Variants in ESR2 observed in about 807,000 individuals in gnomAD.
The protein encoded by ESR2 is estrogen receptor 2, also known as estrogen receptor beta.
Under a neutral mutation model 49.6 loss-of-function variants are expected in ESR2, and 36 were observed. The observed-to-expected ratio is 0.73, with a 90% CI of 0.56 to 0.96. The LOEUF is 0.96. ESR2 is among the 40% of genes least tolerant of loss of function. ESR2 has a pLI of 0.00. For missense variants in ESR2, 714 were observed against 693.0 expected (o/e 1.03, Z -0.34); for synonymous variants, 320 against 266.1 (o/e 1.20, Z -1.97).
intron 7 of ESR2, among the ~76,000 whole-genome samples, chr14:64,241,846 A>G (rs2140646253): frequency 6.6e-6 from 1 of 152,336 alleles, no homozygotes; most frequent in African/African-American, 2.4e-5. Flanking sequence ...TTTTAAATAA[A>G]GACTTTCACT....
intron 7 of ESR2, among the ~76,000 whole-genome samples, chr14:64,238,465 C>A (rs1272042255): frequency 6.6e-6 from 1 of 152,140 alleles, no homozygotes; most frequent in African/African-American, 2.4e-5. Context: ...AAGAACTGTG[C>A]TGAAGAATAC....
At chr14:64,245,373 G>A (rs994263595) in intron 7 of ESR2, among the ~76,000 whole-genome samples, 4 of 151,782 alleles carry the variant, frequency 2.6e-5, no homozygotes, top group Non-Finnish European at 4.4e-5. Flanking sequence ...TTAGCCAGGC[G>A]TGGTGGTGGG....
intron 7 of ESR2, among the ~76,000 whole-genome samples, chr14:64,244,375 G>A (rs1012694715): frequency 2.7e-5 from 4 of 149,598 alleles, no homozygotes; most frequent in African/African-American, 7.4e-5. Flanking sequence ...ACTCCAGCCT[G>A]AGTAACAAAG....
At chr14:64,260,150 A>C in intron 5 of ESR2, 1 of 620,690 alleles carries the variant, frequency 1.6e-6, no homozygotes, top group Non-Finnish European at 3.0e-6. Context: ...AGCCATGGGA[A>C]AAGAAGGCAG....
At chr14:64,277,761 G>A (rs1370878670) in intron 3 of ESR2, among the ~76,000 whole-genome samples, 1 of 151,958 alleles carries the variant, frequency 6.6e-6, no homozygotes, top group African/African-American at 2.4e-5. Context: ...AAGACAGGAA[G>A]CATGCAAAGA....
chr14:64,334,346 C>A (rs1003684344), intron 1 of ESR2, among the ~76,000 whole-genome samples: 5 of 152,204 alleles, frequency 3.3e-5, no homozygotes, highest in African/African-American at 4.8e-5. Context: ...AAATACATTT[C>A]TCAGGTGGCT....
chr14:64,245,675 C>T (rs1238059471), intron 7 of ESR2, among the ~76,000 whole-genome samples: 1 of 152,100 alleles, frequency 6.6e-6, no homozygotes, highest in Non-Finnish European at 1.5e-5. Context: ...AATGCTGTAG[C>T]CTTCATCTTT....
intron 7 of ESR2, among the ~76,000 whole-genome samples, chr14:64,236,327 G>C (rs2075597855): frequency 2.0e-5 from 3 of 152,080 alleles, no homozygotes; most frequent in Admixed American, 2.0e-4. Flanking sequence ...TGCTCACTTT[G>C]TTCTCCACAT....
chr14:64,265,307 G>A (rs558440459), intron 4 of ESR2, among the ~76,000 whole-genome samples: 1 of 152,178 alleles, frequency 6.6e-6, no homozygotes, highest in South Asian at 2.1e-4. Flanking sequence ...GGCAGCTAAT[G>A]TCTACTGGAA....
At chr14:64,317,011 TC>T (rs963389986) in intron 1 of ESR2, among the ~76,000 whole-genome samples, 6 of 152,104 alleles carry the variant, frequency 3.9e-5, no homozygotes, top group Non-Finnish European at 7.4e-5. Flanking sequence ...ATGCTGGTAA[TC>T]CCAGCACTTT....
chr14:64,262,411 G>A (rs572157183), intron 4 of ESR2, among the ~76,000 whole-genome samples: 159 of 152,052 alleles, frequency 1.0e-3, no homozygotes, highest in Middle Eastern at 6.8e-3. Context: ...CACCACATCC[G>A]GCCCAAGAAT....
At chr14:64,323,374 AT>A (rs1312435937) in intron 1 of ESR2, among the ~76,000 whole-genome samples, 1 of 151,788 alleles carries the variant, frequency 6.6e-6, no homozygotes, top group Admixed American at 6.6e-5. Flanking sequence ...TGCCCAGGTA[AT>A]TTTTGTGTTT....
chr14:64,274,622 T>C (rs966209164), intron 3 of ESR2, among the ~76,000 whole-genome samples: 1 of 152,168 alleles, frequency 6.6e-6, no homozygotes, highest in Non-Finnish European at 1.5e-5. Context: ...GATCTTTTTA[T>C]GAATATTTCT....
At chr14:64,227,709 T>G, downstream of ESR2, 1 of 1,595,036 alleles carries the variant, frequency 6.3e-7, no homozygotes, top group South Asian at 1.1e-5. Flanking sequence ...TTTTTGTCTC[T>G]TCCTCAGGAT....
intron 1 of ESR2, among the ~76,000 whole-genome samples, chr14:64,324,275 T>TA (rs1393139766): frequency 3.9e-5 from 6 of 152,316 alleles, no homozygotes; most frequent in Admixed American, 1.3e-4. Context: ...TTGATGGTTT[T>TA]ATCTGTCAAA....
intron 7 of ESR2, among the ~76,000 whole-genome samples, chr14:64,240,911 G>A (rs2075710281): frequency 6.6e-6 from 1 of 151,992 alleles, no homozygotes; most frequent in African/African-American, 2.4e-5. Flanking sequence ...TTGGGAGGCC[G>A]AGGCGGGCGG....
intron 1 of ESR2, among the ~76,000 whole-genome samples, chr14:64,334,045 C>T (rs2077497814): frequency 6.6e-6 from 1 of 152,000 alleles, no homozygotes; most frequent in Admixed American, 6.6e-5. Context: ...GCTTGGAATA[C>T]CGTATTTTAT....
chr14:64,242,883 G>A (rs989726602), intron 7 of ESR2, among the ~76,000 whole-genome samples: 1 of 152,198 alleles, frequency 6.6e-6, no homozygotes, highest in African/African-American at 2.4e-5. Context: ...ACATGGCTGG[G>A]GAAGCCTCAC....
intron 4 of ESR2, among the ~76,000 whole-genome samples, chr14:64,263,519 T>C (rs1038707511): frequency 7.2e-5 from 11 of 152,014 alleles, no homozygotes; most frequent in African/African-American, 2.7e-4. Context: ...TACCCAGGCA[T>C]GGTGGTGCAT....
Sources: allele counts gnomAD v4.1 joint callset (sites outside exome capture counted in the v4.1 genomes callset), GRCh38; gene constraint gnomAD v4.1.1; transcripts MANE v1.5; gene names NCBI Gene and HGNC (gene_info 2026-07-23, HGNC 2026-07-21).